Variants in KDM2B observed in about 807,000 individuals in gnomAD.
KDM2B encodes the protein lysine-specific demethylase 2B.
Under a neutral mutation model 150.0 loss-of-function variants are expected in KDM2B, and 26 were observed. That is an observed-to-expected ratio of 0.17 (90% CI 0.13 to 0.24). KDM2B has a LOEUF of 0.24. Among genes scored for constraint, KDM2B ranks in the 10% least tolerant of loss-of-function variants. The pLI, the probability that KDM2B is intolerant of heterozygous loss-of-function variation, is 1.00. For synonymous variants in KDM2B, 734 were observed against 729.5 expected (o/e 1.01, Z -0.10); for missense variants, 1,265 against 1,816.9 (o/e 0.70, Z 5.52).
chr12:121,461,880 G>C (rs1410766929), intron 12 of KDM2B, among the ~76,000 whole-genome samples: 2 of 152,228 alleles, frequency 1.3e-5, no homozygotes, highest in Admixed American at 6.5e-5. Flanking sequence ...TCAACCGGCA[G>C]GTGAGGAAAA....
Position 121,442,890 on chromosome 12 carries a change from C to A in KDM2B, c.2605-54G>T. On this transcript the variant is annotated intron_variant, in intron 18 of 22. Transcript: ENST00000377071. This position sits in a 1 kb window ranked among gnomAD's most constrained non-coding sequence, Gnocchi z 7.7. Reference sequence around the variant, plus strand: ...CTCTGGGGCTCAGGGCTGCGCCCGCCCAAGGCCTCCCGCCCCCCTGCCACG... The same window carrying A: ...CTCTGGGGCTCAGGGCTGCGCCCGCACAAGGCCTCCCGCCCCCCTGCCACG... 2.6e-6 allele frequency: 4 copies of A among 1,549,380 alleles called. No homozygotes were observed. The highest frequency in any genetic ancestry group is 3.5e-6 in the Non-Finnish European group (4 of 1,151,130).
chr12:121,507,099 GAAAAAAA>G (rs577971662), intron 11 of KDM2B, among the ~76,000 whole-genome samples: 1 of 39,380 alleles, frequency 2.5e-5, no homozygotes, highest in Non-Finnish European at 5.8e-5. Flanking sequence ...TCTGTCTCAA[GAAAAAAA>G]AAAAAAAAAA....
upstream of KDM2B, among the ~76,000 whole-genome samples, chr12:121,582,268 A>AG (rs1384048113): frequency 6.7e-6 from 1 of 148,428 alleles, no homozygotes; most frequent in African/African-American, 2.5e-5. Context: ...TGCCGCTGCC[A>AG]GGGCTCACAC....
Position 121,446,011 on chromosome 12 carries a change from G to A in KDM2B, c.1960-593C>T, listed in dbSNP as rs182133097. On this transcript the variant is annotated intron_variant, in intron 13 of 22. Coordinates refer to ENST00000377071, the MANE Select transcript of KDM2B (RefSeq NM_032590.5). ...TTGCACAGTATTGATATTTGTACTG[G>A]CGGGTGAAACTCCTGGCCCCTCAGC... Among the ~76,000 whole-genome samples the A allele has an allele frequency of 4.9e-3, 742 of 152,284 alleles. 3 individuals are homozygous for A. Among genetic ancestry groups the A allele is most frequent in the African/African-American group, 0.016 (686 of 41,578 alleles).
At chr12:121,413,182 C>T in the KDM2B span, among the ~76,000 whole-genome samples, 15 of 150,648 alleles carry the variant, frequency 1.0e-4, no homozygotes, top group African/African-American at 2.7e-4. Flanking sequence ...TCTGCCAATA[C>T]GCCCAGCTAA....
chr12:121,547,977 C>G (rs1889201108), intron 6 of KDM2B, among the ~76,000 whole-genome samples: 1 of 152,086 alleles, frequency 6.6e-6, no homozygotes, highest in African/African-American at 2.4e-5. Context: ...GAGCTGGAAG[C>G]CTCAAAGGTG....
At chr12:121,546,692 C>T (rs184355271) in intron 6 of KDM2B, among the ~76,000 whole-genome samples, 30 of 149,896 alleles carry the variant, frequency 2.0e-4, no homozygotes, top group African/African-American at 6.6e-4. Context: ...TGTGAGCCTC[C>T]GCGCCCAGCC....
chr12:121,553,230 CAA>C (rs1395383057), intron 4 of KDM2B, among the ~76,000 whole-genome samples: 3 of 138,350 alleles, frequency 2.2e-5, no homozygotes, highest in Admixed American at 1.5e-4. Context: ...GACTCTGTCT[CAA>C]AAAAAAAAAA....
At chr12:121,574,487 C>T (rs1356195861) in intron 4 of KDM2B, 60 bp downstream of exon 4, 16 of 1,535,350 alleles carry the variant, frequency 1.0e-5, no homozygotes, top group Admixed American at 3.5e-5. Context: ...AGGTGGTGAC[C>T]GCCTCTTTCC....
At chr12:121,565,656 G>A (rs1007130619) in intron 4 of KDM2B, among the ~76,000 whole-genome samples, 2 of 149,780 alleles carry the variant, frequency 1.3e-5, no homozygotes, top group African/African-American at 4.9e-5. Context: ...ATGGAGTCTC[G>A]TTCTGTTGCC....
At chr12:121,417,990 A>G in the KDM2B span, 1 of 1,407,656 alleles carries the variant, frequency 7.1e-7, no homozygotes, top group Non-Finnish European at 9.7e-7. The surrounding 1 kb of genome is among the most constrained non-coding windows in gnomAD (Gnocchi z 5.0). Context: ...TTAGTGCTTG[A>G]TGACTTCTGA....
intron 12 of KDM2B, among the ~76,000 whole-genome samples, chr12:121,482,619 G>A (rs1356120456): frequency 6.6e-6 from 1 of 152,088 alleles, no homozygotes; most frequent in Non-Finnish European, 1.5e-5. Context: ...CTCTTCTAAT[G>A]AGCATTCATT....
At chr12:121,498,429 T>A (rs1460323919) in intron 11 of KDM2B, among the ~76,000 whole-genome samples, 1 of 152,204 alleles carries the variant, frequency 6.6e-6, no homozygotes, top group Non-Finnish European at 1.5e-5. Flanking sequence ...CCTATGGGGA[T>A]GAAAAGCCCA....
chr12:121,568,314 T>C (rs1555315341), intron 4 of KDM2B, among the ~76,000 whole-genome samples: 1 of 151,444 alleles, frequency 6.6e-6, no homozygotes, highest in Non-Finnish European at 1.5e-5. Context: ...ACGAAAAATA[T>C]AAAAGCGTGG....
intron 8 of KDM2B, among the ~76,000 whole-genome samples, chr12:121,525,530 C>T (rs1258787911): frequency 1.5e-4 from 23 of 152,134 alleles, no homozygotes; most frequent in South Asian, 2.1e-4. Context: ...GGATTACAGG[C>T]GTGAGCCACC....
chr12:121,465,143 A>AC (rs1357042006), intron 12 of KDM2B, among the ~76,000 whole-genome samples: 2 of 152,224 alleles, frequency 1.3e-5, no homozygotes, highest in Non-Finnish European at 2.9e-5. Context: ...TAAGGACTCC[A>AC]CAAGTGCCAC....
chr12:121,449,095 T>G, intron 13 of KDM2B, among the ~76,000 whole-genome samples: 1 of 135,504 alleles, frequency 7.4e-6, no homozygotes, highest in Non-Finnish European at 1.6e-5. Context: ...GGGTCTGTGG[T>G]GGGGTGGGGC....
intron 4 of KDM2B, among the ~76,000 whole-genome samples, chr12:121,565,868 C>G (rs1305794072): frequency 6.6e-6 from 1 of 151,990 alleles, no homozygotes; most frequent in Non-Finnish European, 1.5e-5. Context: ...CTGAGGTGAT[C>G]CACCCATCTT....
chr12:121,428,696 A>G (rs1872638597), downstream of KDM2B, among the ~76,000 whole-genome samples: 1 of 152,218 alleles, frequency 6.6e-6, no homozygotes, highest in Non-Finnish European at 1.5e-5. Flanking sequence ...TCTTTAAAAA[A>G]AATTCCGTAA....
Sources: gnomAD v4.1 joint callset for allele counts (sites outside exome capture counted in the v4.1 genomes callset) on GRCh38, gnomAD v4.1.1 for gene constraint, Gnocchi (gnomAD v3.1) non-coding constraint, MANE v1.5 for transcripts, NCBI Gene and HGNC (gene_info 2026-07-23, HGNC 2026-07-21) for gene names.